The following CHODL variants were observed in gnomAD, a reference collection of about 807,000 sequenced individuals.
The protein encoded by CHODL is transmembrane protein MT75.
A neutral mutation model predicts 34.5 loss-of-function variants in CHODL; 29 were observed. The observed-to-expected ratio is 0.84, with a 90% CI of 0.63 to 1.15. The LOEUF is 1.15. Among genes scored for constraint, CHODL ranks in the 50% most tolerant of loss-of-function variants. CHODL has a pLI of 0.00. For missense variants in CHODL, 332 were observed against 332.5 expected (o/e 1.00, Z 0.01); for synonymous variants, 125 against 116.1 (o/e 1.08, Z -0.49).
chr21:17,978,569 T>A (rs1019349786), intron 1 of CHODL, among the ~76,000 whole-genome samples: 1 of 150,796 alleles, frequency 6.6e-6, no homozygotes, highest in African/African-American at 2.4e-5. Context: ...ATACAAAAAA[T>A]TAGCTGGGCG....
chr21:18,043,224 T>C (rs756031835), intron 2 of CHODL, among the ~76,000 whole-genome samples: 1 of 151,968 alleles, frequency 6.6e-6, no homozygotes, highest in Non-Finnish European at 1.5e-5. Flanking sequence ...GTGTGCAACC[T>C]GTGCAGTCGC....
At chr21:18,008,386 A>G (rs1314485073) in intron 1 of CHODL, among the ~76,000 whole-genome samples, 1 of 152,120 alleles carries the variant, frequency 6.6e-6, no homozygotes, top group Non-Finnish European at 1.5e-5. Context: ...CATAAAGTGC[A>G]CAATATTGTT....
At chr21:18,086,761 C>T (rs157052) in intron 2 of CHODL, among the ~76,000 whole-genome samples, 1 of 152,036 alleles carries the variant, frequency 6.6e-6, no homozygotes, top group East Asian at 1.9e-4. Flanking sequence ...GTCTGTTTTT[C>T]GGCCCCAGAG....
intron 2 of CHODL, among the ~76,000 whole-genome samples, chr21:18,028,730 T>TTGTTAG: frequency 6.9e-6 from 1 of 145,560 alleles, no homozygotes; most frequent in East Asian, 2.0e-4. Context: ...AAAGAACTAG[T>TTGTTAG]CTTGTTAACT....
chr21:18,154,430 G>A (rs943442252), intron 2 of CHODL, among the ~76,000 whole-genome samples: 1 of 151,942 alleles, frequency 6.6e-6, no homozygotes, highest in Non-Finnish European at 1.5e-5. Flanking sequence ...TAGTTTCCCC[G>A]TATGTTTCCT....
chr21:18,078,900 A>AT (rs764844424), intron 2 of CHODL, among the ~76,000 whole-genome samples: 1 of 152,180 alleles, frequency 6.6e-6, no homozygotes, highest in Non-Finnish European at 1.5e-5. Flanking sequence ...TACAGCTAAC[A>AT]TGAATCAGAC....
At position 17,977,928 on chromosome 21, in the gene CHODL, A is replaced by AAAAAAAG. The variant is rs1375941414; in HGVS notation, c.-144-49938_-144-49932dup. 2.1e-4 allele frequency among the ~76,000 whole-genome samples: 31 copies of AAAAAAAG among 150,686 alleles called. 2 individuals carry two copies. The highest frequency in any genetic ancestry group is 7.3e-4 in the African/African-American group (30 of 41,194). ...GCAACACTCCCATCTCAAAAAAAAA[A>AAAAAAAG]AAAAAAGAAAAAGATACATGGAAGG... On this transcript the variant is annotated intron_variant, in intron 1 of 6. Coordinates refer to the CHODL transcript ENST00000400127.
intron 1 of CHODL, among the ~76,000 whole-genome samples, chr21:17,987,674 A>G (rs1377534883): frequency 6.6e-6 from 1 of 152,182 alleles, no homozygotes; most frequent in Non-Finnish European, 1.5e-5. Flanking sequence ...CACTGACTTA[A>G]TAGAAAAGCA....
intron 2 of CHODL, among the ~76,000 whole-genome samples, chr21:18,144,545 A>G (rs1230814691): frequency 2.6e-5 from 4 of 152,184 alleles, no homozygotes; most frequent in Non-Finnish European, 5.9e-5. Context: ...GCTTACCTTG[A>G]AGTGATTTAT....
At chr21:18,175,039 T>C (rs569222443) in intron 2 of CHODL, among the ~76,000 whole-genome samples, 1 of 152,326 alleles carries the variant, frequency 6.6e-6, no homozygotes, top group African/African-American at 2.4e-5. Context: ...ATCCCATACA[T>C]TTGTAGACAG....
chr21:17,952,808 G>T (rs1430819504), intron 1 of CHODL, among the ~76,000 whole-genome samples: 1 of 152,164 alleles, frequency 6.6e-6, no homozygotes, highest in Non-Finnish European at 1.5e-5. Context: ...ATGAAGAAAA[G>T]AGGTTTAATC....
At chr21:18,199,401 CCAGA>C (rs1296485787) in intron 2 of CHODL, among the ~76,000 whole-genome samples, 11 of 152,142 alleles carry the variant, frequency 7.2e-5, no homozygotes, top group East Asian at 1.9e-4. Context: ...CTCCCTCTGC[CCAGA>C]CAGTTTCCTC....
chr21:18,124,993 G>C (rs2065524452), intron 2 of CHODL, among the ~76,000 whole-genome samples: 1 of 152,154 alleles, frequency 6.6e-6, no homozygotes. Context: ...TCCAGGTCTA[G>C]GATCTCAAAA....
chr21:18,145,435 C>CTAA (rs2072868990), intron 2 of CHODL, among the ~76,000 whole-genome samples: 8 of 60,854 alleles, frequency 1.3e-4, no homozygotes, highest in African/African-American at 3.7e-4. Flanking sequence ...GACTACCTTT[C>CTAA]AAAAAAAAAA....
At position 18,224,088 on chromosome 21, in the gene CHODL, T is replaced by C. The variant is rs972274629; in HGVS notation, c.-44-32421T>C. Among the ~76,000 whole-genome samples, 4 of 152,144 alleles carry C rather than the reference T, an allele frequency of 2.6e-5. 1 individual carries two copies. The South Asian group carries it at 6.2e-4, about 24-fold the overall frequency. The stretch of plus-strand genomic sequence containing the variant: ...CCAATACGGCTCTTGCTGAATCTTC[T>C]TGGGACTCTGAATACTGATTTGTAC... On this transcript the variant is annotated intron_variant, in intron 2 of 6. Transcript: ENST00000400127.
At position 18,097,228 on chromosome 21, in the gene CHODL, C is replaced by A. The variant is rs187081047; in HGVS notation, c.-45+69257C>A. 5.3e-5 allele frequency among the ~76,000 whole-genome samples: 8 copies of A among 152,168 alleles called. No homozygotes were observed. The East Asian group carries it at 1.2e-3, about 22-fold the overall frequency. On this transcript the variant is annotated intron_variant, in intron 2 of 6. Transcript: ENST00000400127. ...TACTGGAAGTCTTAGCTAGAACAAT[C>A]AGACAAGAGAAAGGAATACAGGGCA...
intron 1 of CHODL, among the ~76,000 whole-genome samples, chr21:18,008,113 T>TA (rs2063977217): frequency 6.6e-6 from 1 of 152,130 alleles, no homozygotes; most frequent in South Asian, 2.1e-4. Context: ...ACTTTTTTTT[T>TA]ACTGTGGTGA....
At chr21:18,129,207 AT>A (rs1353549009) in intron 2 of CHODL, among the ~76,000 whole-genome samples, 2 of 152,214 alleles carry the variant, frequency 1.3e-5, no homozygotes, top group East Asian at 1.9e-4. Flanking sequence ...ACTCAGAATA[AT>A]TTTTATTTTA....
chr21:17,924,232 A>G (rs1325534780), intron 1 of CHODL, among the ~76,000 whole-genome samples: 1 of 152,240 alleles, frequency 6.6e-6, no homozygotes, highest in Admixed American at 6.5e-5. Context: ...AGAGCTGGTC[A>G]GCATCCTCCG....
Sources: gnomAD v4.1 joint callset for allele counts (sites outside exome capture counted in the v4.1 genomes callset) on GRCh38, gnomAD v4.1.1 for gene constraint, MANE v1.5 for transcripts, NCBI Gene and HGNC (gene_info 2026-07-23, HGNC 2026-07-21) for gene names.